The following MAGI2 variants were observed in gnomAD, a reference collection of about 807,000 sequenced individuals.
MAGI2 encodes the protein membrane-associated guanylate kinase, WW and PDZ domain-containing protein 2.
MAGI2 carries 35 observed loss-of-function variants against 133.3 expected under a neutral mutation model. That is an observed-to-expected ratio of 0.26 (90% CI 0.20 to 0.35). The LOEUF is 0.35. Among genes scored for constraint, MAGI2 ranks in the 10% least tolerant of loss-of-function variants. The pLI, the probability that MAGI2 is intolerant of heterozygous loss-of-function variation, is 1.00. For missense variants in MAGI2, 1,636 were observed against 1,863.4 expected, an observed-to-expected ratio of 0.88 and a Z score of 2.25; for synonymous variants, 729 against 710.6, an observed-to-expected ratio of 1.03 and a Z score of -0.41.
At chr7:79,051,937 T>G (rs1419507309) in intron 1 of MAGI2, among the ~76,000 whole-genome samples, 5 of 152,194 alleles carry the variant, frequency 3.3e-5, no homozygotes, top group Non-Finnish European at 7.3e-5. Context: ...TTTAGTTTTA[T>G]GTCTCAGAGA....
intron 5 of MAGI2, among the ~76,000 whole-genome samples, chr7:78,495,729 G>A (rs1794029146): frequency 6.6e-6 from 1 of 152,020 alleles, no homozygotes. Context: ...ATTTGCATTT[G>A]CCATTTTATC....
intron 2 of MAGI2, among the ~76,000 whole-genome samples, chr7:78,641,102 G>A (rs1810255011): frequency 6.6e-6 from 1 of 152,154 alleles, no homozygotes. Flanking sequence ...GGACATGTTT[G>A]CTTCCCCTTC....
intron 2 of MAGI2, among the ~76,000 whole-genome samples, chr7:78,770,262 A>AT (rs1554563469): frequency 3.9e-5 from 6 of 152,152 alleles, no homozygotes; most frequent in Non-Finnish European, 8.8e-5. Context: ...AACACATTGT[A>AT]TTTTTTTCCC....
In MAGI2 at chr7:78,526,564, T is replaced by C. The variant is rs114367767; in HGVS notation, c.539-4919A>G. On this transcript the variant is annotated intron_variant, in intron 3 of 21. Transcript: ENST00000354212. ...GAAAATCTATAAATTTACATAGTCT[T>C]CTTTGTAATCAATGCCTGCAAAATA... Among the ~76,000 whole-genome samples, 891 of 152,338 alleles carry C rather than the reference T, an allele frequency of 5.8e-3. 9 individuals carry two copies. The highest frequency in any genetic ancestry group is 0.021 in the African/African-American group (868 of 41,566).
At chr7:79,265,579 T>C (rs1834393215) in intron 1 of MAGI2, among the ~76,000 whole-genome samples, 2 of 152,204 alleles carry the variant, frequency 1.3e-5, no homozygotes, top group Admixed American at 6.5e-5. Context: ...TATATAAATA[T>C]GCATATGTGT....
intron 6 of MAGI2, among the ~76,000 whole-genome samples, chr7:78,387,077 G>A (rs1795453110): frequency 6.6e-6 from 1 of 152,210 alleles, no homozygotes; most frequent in African/African-American, 2.4e-5. Flanking sequence ...AGCGACAATA[G>A]TTTTTTAAAC....
chr7:78,279,646 CA>C (rs1795367025), intron 9 of MAGI2, among the ~76,000 whole-genome samples: 1 of 152,020 alleles, frequency 6.6e-6, no homozygotes, highest in Admixed American at 6.6e-5. Context: ...GAGACTAACC[CA>C]TGTTCCTGTG....
chr7:78,019,802 A>G lies in MAGI2; in HGVS notation c.3881T>C (p.Val1294Ala). 6.2e-7 allele frequency: 1 copy of G among 1,613,174 alleles called. No homozygotes were observed. The highest frequency in any genetic ancestry group is 8.5e-7 in the Non-Finnish European group (1 of 1,179,830). ...GGCTGAAAGCTCCTTTGGTTTCCTA[A>G]CGTCGTGTTCCCGTTTGATATCCCA... The part of the protein sequence containing the change: ...PTWDIKREHD[V>A]RKPKELSACG... Residue 1294 changes from valine (V) to alanine (A), a missense_variant, in exon 22 of 22, where the codon GTT becomes GCT. Physicochemically the swap from Val to Ala is moderately conservative, Grantham distance 64. This residue lies in a region of MAGI2 where 354 missense variants were observed against 298.7 expected (regional missense o/e 1.19). Transcript: ENST00000354212.
At chr7:78,766,755 G>A (rs1325588143) in intron 2 of MAGI2, among the ~76,000 whole-genome samples, 1 of 152,082 alleles carries the variant, frequency 6.6e-6, no homozygotes, top group East Asian at 1.9e-4. Flanking sequence ...GTGTGCCTAG[G>A]GAGAATGAGT....
chr7:78,288,869 C>G (rs1796416048), intron 9 of MAGI2, among the ~76,000 whole-genome samples: 2 of 152,224 alleles, frequency 1.3e-5, no homozygotes, highest in Admixed American at 6.5e-5. Context: ...CAAACTCTAA[C>G]AGACCTGCAG....
chr7:78,155,510 C>T (rs541587615), intron 16 of MAGI2, among the ~76,000 whole-genome samples: 90 of 152,206 alleles, frequency 5.9e-4, no homozygotes, highest in African/African-American at 1.8e-3. Flanking sequence ...ACCCAGGAGG[C>T]TGAGGTGGGA....
chr7:79,134,704 C>A, intron 1 of MAGI2, among the ~76,000 whole-genome samples: 1 of 152,140 alleles, frequency 6.6e-6, no homozygotes, highest in South Asian at 2.1e-4. Flanking sequence ...GCTTTGCAAT[C>A]ATCAATATTA....
chr7:79,452,090 AC>A (rs144917549), intron 1 of MAGI2, among the ~76,000 whole-genome samples: 10,710 of 152,150 alleles, frequency 0.07, 484 homozygotes, highest in Non-Finnish European at 0.094. Flanking sequence ...CTGGGCTGGA[AC>A]CGGCCAGGGT....
intron 6 of MAGI2, chr7:78,486,794 T>C: frequency 2.3e-6 from 1 of 427,716 alleles, no homozygotes; most frequent in Non-Finnish European, 4.6e-6. Flanking sequence ...ATTCCTATCA[T>C]GTATCTTACT....
At chr7:79,016,485 G>C (rs905028281) in intron 1 of MAGI2, among the ~76,000 whole-genome samples, 1 of 152,070 alleles carries the variant, frequency 6.6e-6, no homozygotes, top group African/African-American at 2.4e-5. Context: ...TGCCCCAATA[G>C]AGTGTCCCTG....
intron 20 of MAGI2, among the ~76,000 whole-genome samples, chr7:78,120,721 A>G (rs2903950): frequency 0.69 from 105,161 of 151,810 alleles, 36,666 homozygotes; most frequent in African/African-American, 0.75. Context: ...GATGCTGTGG[A>G]CCGGGCGCGG....
intron 9 of MAGI2, among the ~76,000 whole-genome samples, chr7:78,329,523 A>G (rs1160374386): frequency 6.6e-6 from 1 of 152,226 alleles, no homozygotes; most frequent in Non-Finnish European, 1.5e-5. Flanking sequence ...TTGCAAACCC[A>G]TATGACAAGC....
chr7:78,840,198 A>G (rs1026466447), intron 2 of MAGI2, among the ~76,000 whole-genome samples: 2 of 152,078 alleles, frequency 1.3e-5, no homozygotes, highest in Non-Finnish European at 2.9e-5. Context: ...TTAGTCTAAG[A>G]TACCTTTCAA....
chr7:78,985,516 G>C (rs56221921), intron 2 of MAGI2, among the ~76,000 whole-genome samples: 6,472 of 152,032 alleles, frequency 0.043, 207 homozygotes, highest in Non-Finnish European at 0.066. Context: ...AAGTAATAAA[G>C]TACCAACCAA....
Sources: gnomAD v4.1 joint callset for allele counts (sites outside exome capture counted in the v4.1 genomes callset) on GRCh38, gnomAD v4.1.1 for gene constraint, gnomAD v4.1.1 regional missense constraint, MANE v1.5 for transcripts, NCBI Gene and HGNC (gene_info 2026-07-23, HGNC 2026-07-21) for gene names.